Variants in LATS1 observed in about 807,000 individuals in gnomAD.
The protein encoded by LATS1 is serine/threonine-protein kinase LATS1.
Under a neutral mutation model 106.6 loss-of-function variants are expected in LATS1, and 25 were observed. The observed-to-expected ratio is 0.23, with a 90% confidence interval of 0.17 to 0.33. LATS1 has a LOEUF of 0.33. LATS1 is among the 10% of genes least tolerant of loss of function. The pLI is 1.00. For missense variants in LATS1, 1,040 were observed against 1,382.6 expected (o/e 0.75, Z 3.93); for synonymous variants, 465 against 455.6 (o/e 1.02, Z -0.26).
chr6:149,671,423 C>T (rs534386805), intron 7 of LATS1, among the ~76,000 whole-genome samples: 2 of 152,106 alleles, frequency 1.3e-5, no homozygotes, highest in Admixed American at 6.5e-5. Context: ...CGTGAGCCAC[C>T]GCACCTGGCC....
rs1247059830 is a variant in LATS1 at position 149,683,284 on chromosome 6, C to G, written c.1805G>C (p.Ser602Thr). ...ESEKSYENVD[S>T]GDKEKKQITT... Reference sequence around the variant, plus strand: ...AATCTGTTTCTTTTCTTTATCCCCACTATCAACATTTTCATAACTCTTTTC... The same window carrying G: ...AATCTGTTTCTTTTCTTTATCCCCAGTATCAACATTTTCATAACTCTTTTC... The change falls in exon 4 of 8, where the codon AGT becomes ACT. Residue 602 changes from serine (S) to threonine (T), a missense_variant. This residue lies in a region of LATS1 where 167 missense variants were observed against 332.1 expected (regional missense o/e 0.50). Coordinates refer to ENST00000543571, the MANE Select transcript of LATS1 (RefSeq NM_004690.4). The G allele has an allele frequency of 6.8e-6, 11 of 1,614,144 alleles. No individual in the cohort carries two copies. Among genetic ancestry groups the G allele is most frequent in the South Asian group, 1.1e-5 (1 of 91,084 alleles).
chr6:149,676,814 C>G (rs989509419), intron 5 of LATS1, 77 bp from the exon 6 acceptor site: 6 of 1,341,896 alleles, frequency 4.5e-6, no homozygotes, highest in Admixed American at 4.2e-5. Context: ...CTTCTGACAT[C>G]GTGGTTTAGG....
intron 3 of LATS1, among the ~76,000 whole-genome samples, chr6:149,692,917 GCCCGCCTTGGCCTC>G (rs1562342473): frequency 6.6e-6 from 1 of 151,754 alleles, no homozygotes; most frequent in Non-Finnish European, 1.5e-5. Flanking sequence ...CAGGTGATCT[GCCCGCCTTGGCCTC>G]CCAAAGTGCT....
intron 3 of LATS1, among the ~76,000 whole-genome samples, chr6:149,686,791 T>C (rs1280624181): frequency 6.6e-6 from 1 of 152,176 alleles, no homozygotes; most frequent in Non-Finnish European, 1.5e-5. Context: ...AGCCACAGCT[T>C]CAGCATTCAG....
At position 149,671,525 on chromosome 6, in the gene LATS1, A is replaced by T. The variant is rs923882875; in HGVS notation, c.2883+4735T>A. Among the ~76,000 whole-genome samples the T allele has an allele frequency of 2.0e-5, 3 of 152,030 alleles. No homozygotes were observed. In the South Asian group the frequency reaches 6.2e-4, roughly 31 times the overall value. ...TTTTCCATTTGCACCTTTGTCAAAGATCAAATGGCCATAGTGGTGTGGTCT... is the reference window on the plus strand; with the variant it reads ...TTTTCCATTTGCACCTTTGTCAAAGTTCAAATGGCCATAGTGGTGTGGTCT... On this transcript the variant is annotated intron_variant, in intron 7 of 7. Coordinates refer to ENST00000543571, the MANE Select transcript of LATS1 (RefSeq NM_004690.4).
intron 1 of LATS1, among the ~76,000 whole-genome samples, chr6:149,702,955 G>A (rs1231434205): frequency 1.3e-5 from 2 of 149,310 alleles, no homozygotes; most frequent in Non-Finnish European, 3.0e-5. Context: ...TTACAGGTGT[G>A]AGCCACCGTG....
chr6:149,660,557 A>ACC lies in LATS1; in HGVS notation c.*1171_*1172insGG, dbSNP rs1331482936. 5 of 232,782 alleles carry ACC rather than the reference A, an allele frequency of 2.1e-5. No homozygotes were observed. The highest frequency in any genetic ancestry group is 6.6e-5 in the African/African-American group (3 of 45,336). The allele number at this position is 232,782 out of a possible 1,614,324, so 14.4% of individuals were successfully genotyped here. On this transcript the variant is annotated 3_prime_UTR_variant, in exon 8 of 8. Coordinates refer to ENST00000543571, the MANE Select transcript of LATS1 (RefSeq NM_004690.4). ...ATGGAGCCTTTTTCCCCTTCCTAAA[A>ACC]GATAAGCTACATGTATTTTGGTATG...
intron 7 of LATS1, among the ~76,000 whole-genome samples, chr6:149,667,016 T>C (rs144504714): frequency 9.8e-4 from 147 of 150,202 alleles, no homozygotes; most frequent in South Asian, 4.2e-4. Context: ...AGCAAAGAAA[T>C]TGAAGATATA....
intron 7 of LATS1, among the ~76,000 whole-genome samples, chr6:149,670,292 A>T (rs192595728): frequency 5.8e-4 from 88 of 151,980 alleles, no homozygotes; most frequent in African/African-American, 1.9e-3. Context: ...AATAGTAAAA[A>T]CCACAGTAGA....
intron 3 of LATS1, among the ~76,000 whole-genome samples, chr6:149,689,447 C>T (rs2114865739): frequency 6.6e-6 from 1 of 151,248 alleles, no homozygotes; most frequent in Middle Eastern, 3.5e-3. Flanking sequence ...ACCCTTTTAG[C>T]AATATTATCG....
chr6:149,694,968 C>A (rs1782975703), intron 3 of LATS1, 106 bp downstream of exon 3: 1 of 939,374 alleles, frequency 1.1e-6, no homozygotes, highest in Non-Finnish European at 1.6e-6. Context: ...CTTTCATTTA[C>A]TGGGATGCTT....
chr6:149,679,143 A>T (rs1313136573), intron 5 of LATS1, among the ~76,000 whole-genome samples: 1 of 152,200 alleles, frequency 6.6e-6, no homozygotes, highest in Non-Finnish European at 1.5e-5. Context: ...CTGAAATAAT[A>T]ATTATCTTTG....
intron 1 of LATS1, among the ~76,000 whole-genome samples, chr6:149,715,846 A>C (rs1410164479): frequency 6.6e-6 from 1 of 152,202 alleles, no homozygotes; most frequent in East Asian, 1.9e-4. Flanking sequence ...AATTCAAATT[A>C]TTACTAGGCA....
rs759918486 is a variant in LATS1, at chr6:149,664,353, TA to T, written c.2884-2116del. On this transcript the variant is annotated intron_variant, in intron 7 of 7. Coordinates refer to ENST00000543571, the MANE Select transcript of LATS1 (RefSeq NM_004690.4). ...AGTCTCAAAAGGTAAGAAAGCAAAATAAATCTTTGAAGGGATAATGACAGAG... is the reference window on the plus strand; with the variant it reads ...AGTCTCAAAAGGTAAGAAAGCAAAATAATCTTTGAAGGGATAATGACAGAG... Among the ~76,000 whole-genome samples the T allele has an allele frequency of 7.9e-5, 12 of 151,846 alleles. No homozygotes were observed. The East Asian group carries it at 2.3e-3, about 29-fold the overall frequency.
rs947521369 is a variant in LATS1 at position 149,660,619 on chromosome 6, T to C, written c.*1110A>G. ...TTCCTTAGAACCTAAGCGTTATACA[T>C]AACAGGCATGTTGAACGCATTATTG... is the stretch of plus-strand genomic sequence containing the variant. On this transcript the variant is annotated 3_prime_UTR_variant, in exon 8 of 8. Coordinates refer to ENST00000543571, the MANE Select transcript of LATS1 (RefSeq NM_004690.4). The C allele has an allele frequency of 4.3e-6, 1 of 232,184 alleles. No homozygotes were observed. The highest frequency in any genetic ancestry group is 1.8e-4 in the South Asian group (1 of 5,518). The allele number at this position is 232,184 out of a possible 1,614,324, so 14.4% of individuals were successfully genotyped here.
intron 7 of LATS1, 45 bp downstream of exon 7, chr6:149,676,215 T>A (rs749997599): frequency 7.8e-7 from 1 of 1,289,048 alleles, no homozygotes; most frequent in Non-Finnish European, 1.1e-6. Context: ...GTCAATGATG[T>A]AGCAACTTTG....
intron 1 of LATS1, among the ~76,000 whole-genome samples, chr6:149,714,988 A>G (rs1784306620): frequency 6.6e-6 from 1 of 152,244 alleles, no homozygotes; most frequent in Admixed American, 6.5e-5. Flanking sequence ...AAAGTATGAT[A>G]GTTCAACCTT....
At chr6:149,704,182 T>TA (rs1783620440) in intron 1 of LATS1, among the ~76,000 whole-genome samples, 2 of 152,088 alleles carry the variant, frequency 1.3e-5, no homozygotes, top group Admixed American at 6.6e-5. Flanking sequence ...TTTGTATTTT[T>TA]AGTAGAGACA....
chr6:149,712,548 G>A (rs1450469935), intron 1 of LATS1, among the ~76,000 whole-genome samples: 1 of 150,892 alleles, frequency 6.6e-6, no homozygotes, highest in Non-Finnish European at 1.5e-5. Context: ...TGAGGGTCTC[G>A]CTATGTTGAC....
Sources: allele counts gnomAD v4.1 joint callset (sites outside exome capture counted in the v4.1 genomes callset), GRCh38; gene constraint gnomAD v4.1.1; regional missense constraint gnomAD v4.1.1; transcripts MANE v1.5; gene names NCBI Gene and HGNC (gene_info 2026-07-23, HGNC 2026-07-21).